Variants in ODAD2 observed in about 807,000 individuals in gnomAD.
The protein encoded by ODAD2 is outer dynein arm-docking complex subunit 2.
In ODAD2, 89 loss-of-function variants were observed where a neutral mutation model predicts 106.8. The ratio of observed to expected loss-of-function variants is 0.83; its 90% confidence interval spans 0.70 to 0.99. The LOEUF (loss-of-function observed/expected upper bound fraction) is 0.99, where lower values mean the gene tolerates loss of function less well. Among genes scored for constraint, ODAD2 ranks in the 50% least tolerant of loss-of-function variants. The pLI is 0.00. For synonymous variants in ODAD2, 404 were observed against 436.2 expected (o/e 0.93, Z 0.92); for missense variants, 1,168 against 1,238.5 (o/e 0.94, Z 0.85).
At chr10:27,818,726 C>T (rs551362360) in intron 19 of ODAD2, among the ~76,000 whole-genome samples, 56 of 152,332 alleles carry the variant, frequency 3.7e-4, no homozygotes, top group African/African-American at 9.4e-4. Context: ...CCACCCGCCT[C>T]GCTTCTGCTC....
rs374256784 is a variant in ODAD2, at chr10:27,860,607, A to G, written c.3021+18T>C. The G allele has an allele frequency of 2.5e-4, 409 of 1,609,504 alleles. No homozygotes were observed. Among genetic ancestry groups the G allele is most frequent in the Non-Finnish European group, 3.3e-4 (391 of 1,176,684 alleles). ...ATTTACCAAACTTGGACTAAACCAC[A>G]AAGTCATTCAACTGTACCTTTACTG... On this transcript the variant is annotated intron_variant, in intron 19 of 19. Transcript: ENST00000305242.
chr10:27,906,236 T>C (rs998950688), intron 17 of ODAD2, among the ~76,000 whole-genome samples: 3 of 152,216 alleles, frequency 2.0e-5, no homozygotes, highest in African/African-American at 7.2e-5. Context: ...AAGACATTTA[T>C]GCGACCAACA....
At chr10:27,860,468 T>A (rs965257005) in intron 19 of ODAD2, among the ~76,000 whole-genome samples, 157 bp downstream of exon 19, 1 of 151,976 alleles carries the variant, frequency 6.6e-6, no homozygotes, top group African/African-American at 2.4e-5. Context: ...AAAAAAAAAG[T>A]CATGATAACA....
intron 10 of ODAD2, among the ~76,000 whole-genome samples, chr10:27,945,900 AG>A (rs1846881625): frequency 6.6e-6 from 1 of 152,122 alleles, no homozygotes; most frequent in Admixed American, 6.6e-5. Context: ...TGCTGGTAAT[AG>A]ACAAGCCTTT....
chr10:27,954,883 C>T lies in ODAD2; in HGVS notation c.1386+6685G>A, dbSNP rs529939727. ...ACACACATTACCAGTAATCCAAATA[C>T]TTAAAGTGGATTCACTTCTTATACT... On this transcript the variant is annotated intron_variant, in intron 10 of 19. Transcript: ENST00000305242. Among the ~76,000 whole-genome samples, 8 of 152,322 alleles carry T rather than the reference C, an allele frequency of 5.3e-5. No individual in the cohort carries two copies. The East Asian group carries it at 1.5e-3, about 29-fold the overall frequency.
At chr10:27,984,964 C>T (rs1178284757) in intron 4 of ODAD2, 55 bp downstream of exon 4, 1 of 1,265,146 alleles carries the variant, frequency 7.9e-7, no homozygotes, top group African/African-American at 1.5e-5. Context: ...GGCTGGAGTT[C>T]AGTGGTGCAA....
intron 12 of ODAD2, 111 bp from the exon 13 acceptor site, chr10:27,940,916 A>G: frequency 8.5e-7 from 1 of 1,180,064 alleles, no homozygotes; most frequent in South Asian, 1.6e-5. Context: ...AAAAACAAGA[A>G]TGCTTTAAAA....
chr10:27,949,172 A>AACACAAAATGAAATAAC (rs1847155384), intron 10 of ODAD2, among the ~76,000 whole-genome samples: 2 of 152,134 alleles, frequency 1.3e-5, no homozygotes, highest in Non-Finnish European at 2.9e-5. Context: ...CTTTTGTGTT[A>AACACAAAATGAAATAAC]TTTCATTCAA....
intron 14 of ODAD2, 145 bp from the exon 15 acceptor site, chr10:27,937,025 C>T: frequency 1.4e-6 from 1 of 736,326 alleles, no homozygotes; most frequent in Middle Eastern, 2.7e-4. Flanking sequence ...AAATATAATT[C>T]ATCTTTCTAC....
Position 27,873,800 on chromosome 10 carries a change from T to G in ODAD2, c.2611-11178A>C, listed in dbSNP as rs537691284. Among the ~76,000 whole-genome samples, 18 of 152,270 alleles carry G rather than the reference T, an allele frequency of 1.2e-4. No individual in the cohort carries two copies. The East Asian group carries it at 3.5e-3, about 29-fold the overall frequency. On this transcript the variant is annotated intron_variant, in intron 17 of 19. Transcript: ENST00000305242. ...ACTATGTGGTCAATTTTGGAATAAG[T>G]GTGATGTGGTGCTGAGAAGAATGCA...
intron 2 of ODAD2, among the ~76,000 whole-genome samples, chr10:27,994,029 G>A (rs1850397673): frequency 6.8e-6 from 1 of 148,110 alleles, no homozygotes; most frequent in Non-Finnish European, 1.5e-5. Context: ...CTTACTTATT[G>A]TATAATTATA....
At chr10:27,865,417 GTCTT>G (rs1840369495) in intron 17 of ODAD2, among the ~76,000 whole-genome samples, 2 of 152,180 alleles carry the variant, frequency 1.3e-5, no homozygotes, top group East Asian at 1.9e-4. Context: ...TTTTCTGTCT[GTCTT>G]CCTGTTAGCT....
chr10:27,875,879 C>T (rs1016387187), intron 17 of ODAD2, among the ~76,000 whole-genome samples: 96 of 152,302 alleles, frequency 6.3e-4, no homozygotes, highest in African/African-American at 2.1e-3. Context: ...TCTTAGTAAA[C>T]AGCACACCAG....
intron 9 of ODAD2, among the ~76,000 whole-genome samples, chr10:27,962,833 A>G (rs930672020): frequency 2.6e-5 from 4 of 152,094 alleles, no homozygotes; most frequent in Non-Finnish European, 5.9e-5. Flanking sequence ...TGTCTCAGGA[A>G]CTACTCATCC....
chr10:27,842,233 T>A (rs1838358208), intron 19 of ODAD2, among the ~76,000 whole-genome samples: 1 of 152,214 alleles, frequency 6.6e-6, no homozygotes, highest in African/African-American at 2.4e-5. Context: ...TCTTAAATGG[T>A]TGAGAGGGTT....
At chr10:27,882,995 A>C (rs1407832958) in intron 17 of ODAD2, among the ~76,000 whole-genome samples, 2 of 152,098 alleles carry the variant, frequency 1.3e-5, no homozygotes, top group Non-Finnish European at 2.9e-5. Context: ...AAAAAAATTA[A>C]AAGAAAAATC....
intron 17 of ODAD2, among the ~76,000 whole-genome samples, chr10:27,869,338 C>T (rs1287679565): frequency 1.3e-5 from 2 of 151,846 alleles, no homozygotes; most frequent in African/African-American, 2.4e-5. Flanking sequence ...CAATAGGGCA[C>T]ATTTTAAAAT....
chr10:27,958,326 GA>G (rs1331394770), intron 10 of ODAD2, among the ~76,000 whole-genome samples: 2 of 152,130 alleles, frequency 1.3e-5, no homozygotes, highest in South Asian at 2.1e-4. Context: ...CTAAATAGTT[GA>G]AAAAACTCAA....
chr10:27,842,409 A>G (rs1838374291), intron 19 of ODAD2, among the ~76,000 whole-genome samples: 1 of 152,210 alleles, frequency 6.6e-6, no homozygotes, highest in African/African-American at 2.4e-5. Context: ...CTAAGCATAC[A>G]TGATCATTCT....
Sources: gnomAD v4.1 joint callset for allele counts (sites outside exome capture counted in the v4.1 genomes callset) on GRCh38, gnomAD v4.1.1 for gene constraint, MANE v1.5 for transcripts, NCBI Gene and HGNC (gene_info 2026-07-23, HGNC 2026-07-21) for gene names.